The following CCDC136 variants were observed in gnomAD, a reference collection of about 807,000 sequenced individuals.
The protein encoded by CCDC136 is coiled-coil domain-containing protein 136.
Under a neutral mutation model 141.2 loss-of-function variants are expected in CCDC136, and 100 were observed. The ratio of observed to expected loss-of-function variants is 0.71; its 90% CI spans 0.60 to 0.84. CCDC136 has a LOEUF of 0.84. Ranked by LOEUF, CCDC136 falls within the 40% of genes least tolerant of loss-of-function variation. The pLI, the probability that CCDC136 is intolerant of heterozygous loss-of-function variation, is 0.00. For missense variants in CCDC136, 1,206 were observed against 1,379.4 expected (o/e 0.87, Z 1.99); for synonymous variants, 474 against 531.9 (o/e 0.89, Z 1.50).
intron 1 of CCDC136, among the ~76,000 whole-genome samples, chr7:128,792,980 G>GCT (rs1802415518): frequency 1.3e-5 from 2 of 152,194 alleles, no homozygotes; most frequent in Non-Finnish European, 2.9e-5. Context: ...GCCAACACCA[G>GCT]GCCCCTGGAA....
intron 17 of CCDC136, among the ~76,000 whole-genome samples, chr7:128,819,123 C>A (rs1475079804): frequency 6.6e-6 from 1 of 152,160 alleles, no homozygotes; most frequent in Non-Finnish European, 1.5e-5. Context: ...TCCCCTGTCA[C>A]CCCCCAGAAG....
chr7:128,815,737 C>G lies in CCDC136; in HGVS notation c.3169C>G (p.Gln1057Glu), dbSNP rs1038575055. 6.4e-7 allele frequency: 1 copy of G among 1,560,482 alleles called. No individual in the cohort carries two copies. The highest frequency in any genetic ancestry group is 8.7e-7 in the Non-Finnish European group (1 of 1,152,390). The stretch of plus-strand genomic sequence containing the variant: ...GCAAGTGAAAGAGGAAGCAAAGGAG[C>G]AGTGTGGGGATGAGCTAGTTGCTGA... ...KKQVKEEAKE[Q>E]CGDELVAEPA... The change falls in exon 16 of 18, where the codon CAG becomes GAG. Residue 1057 changes from glutamine (Q) to glutamate (E), a missense_variant. Coordinates refer to ENST00000297788, the MANE Select transcript of CCDC136 (RefSeq NM_022742.5).
rs564211780 is a variant in CCDC136 at position 128,806,827 on chromosome 7, C to T, written c.1388C>T (p.Thr463Met). ...GCAGAGCTGCAGCACCTCAGGGATA[C>T]GGTGGCCTCCTTCAAAGAGAGCAAT... is the stretch of plus-strand genomic sequence containing the variant. ...HEAELQHLRD[T>M]VASFKESNEK... Residue 463 changes from threonine (T) to methionine (M), a missense_variant, in exon 9 of 18, where the codon ACG becomes ATG. By Grantham distance (81) the Thr-to-Met change is moderately conservative. Transcript: ENST00000297788. 3.6e-5 allele frequency: 58 copies of T among 1,611,132 alleles called. No individual in the cohort carries two copies. The East Asian group carries it at 4.5e-4, about 12-fold the overall frequency.
chr7:128,794,605 GAGTGCCTGGGCCAGGGCCC>G lies in CCDC136; in HGVS notation c.271+10_271+28del, dbSNP rs770822246. ...GGATGACTCCTTGGAGCTACAGGGT[GAGTGCCTGGGCCAGGGCCC>G]AGTGCCCGGGCCCAGAGGCTCTGCA... On this transcript the variant is annotated splice_donor_5th_base_variant and intron_variant, in intron 2 of 17. Transcript: ENST00000297788. The surrounding 1 kb of genome is among the most constrained non-coding windows in gnomAD (Gnocchi z 4.3). The G allele has an allele frequency of 1.6e-5, 24 of 1,545,496 alleles. No individual in the cohort carries two copies. The South Asian group carries it at 2.4e-4, about 15-fold the overall frequency.
chr7:128,803,139 G>A (rs773870948), intron 4 of CCDC136, among the ~76,000 whole-genome samples: 10 of 152,200 alleles, frequency 6.6e-5, no homozygotes, highest in Non-Finnish European at 1.3e-4. Flanking sequence ...TTAAATATCA[G>A]TAGAATTAAT....
At chr7:128,809,736 A>C (rs774208416) in intron 11 of CCDC136, 92 bp downstream of exon 11, 8 of 993,056 alleles carry the variant, frequency 8.1e-6, no homozygotes, top group Non-Finnish European at 1.2e-5. Context: ...GTGGGGATTG[A>C]ACTTTTTCTC....
intron 16 of CCDC136, 89 bp downstream of exon 16, chr7:128,816,020 A>G (rs1806575743): frequency 7.4e-7 from 1 of 1,345,178 alleles, no homozygotes; most frequent in Non-Finnish European, 1.0e-6. Context: ...CCAAGGATGG[A>G]TATCTCCAGG....
chr7:128,795,711 G>C (rs945684162), intron 3 of CCDC136, among the ~76,000 whole-genome samples: 1 of 152,082 alleles, frequency 6.6e-6, no homozygotes, highest in Non-Finnish European at 1.5e-5. Context: ...ATACCACTTA[G>C]AAATTGTGTG....
intron 14 of CCDC136, among the ~76,000 whole-genome samples, chr7:128,814,323 T>C (rs1168332843): frequency 1.3e-5 from 2 of 152,112 alleles, no homozygotes; most frequent in East Asian, 3.9e-4. Context: ...TGACCTCAAG[T>C]GATCTGCCCA....
At chr7:128,796,739 A>ATATATATATATATATTTTTTTTTTT in intron 3 of CCDC136, among the ~76,000 whole-genome samples, 6 of 113,370 alleles carry the variant, frequency 5.3e-5, no homozygotes, top group Non-Finnish European at 6.7e-5. Flanking sequence ...ATATATATAT[A>ATATATATATATATATTTTTTTTTTT]TTCTTTTTTT....
intron 8 of CCDC136, 141 bp from the exon 9 acceptor site, chr7:128,806,547 C>T: frequency 9.5e-7 from 1 of 1,050,040 alleles, no homozygotes; most frequent in Middle Eastern, 3.2e-4. Flanking sequence ...TGCTCGAGTA[C>T]TACATTAGAT....
chr7:128,807,668 G>A (rs1170779208), intron 10 of CCDC136, 123 bp downstream of exon 10: 1 of 557,092 alleles, frequency 1.8e-6, no homozygotes, highest in Non-Finnish European at 2.9e-6. Context: ...GGAAGCAGAG[G>A]CAGGGCCACA....
intron 1 of CCDC136, among the ~76,000 whole-genome samples, chr7:128,793,402 A>G (rs780812263): frequency 6.6e-6 from 1 of 152,196 alleles, no homozygotes; most frequent in Non-Finnish European, 1.5e-5. Flanking sequence ...AGACCTTGTG[A>G]CATGCAGCAG....
In CCDC136 at chr7:128,805,332, G is replaced by A; in HGVS notation, c.783-27G>A. On this transcript the variant is annotated intron_variant, in intron 5 of 17. Coordinates refer to ENST00000297788, the MANE Select transcript of CCDC136 (RefSeq NM_022742.5). The surrounding 1 kb of genome is among the most constrained non-coding windows in gnomAD (Gnocchi z 4.6). Reference sequence around the variant, plus strand: ...TGATGCCAGGCAGAACTCCCTTCAAGCATAGCTCTGCGGTTCTGAATTGCA... The same window carrying A: ...TGATGCCAGGCAGAACTCCCTTCAAACATAGCTCTGCGGTTCTGAATTGCA... The A allele has an allele frequency of 6.2e-7, 1 of 1,609,728 alleles. No individual in the cohort carries two copies. Among genetic ancestry groups the A allele is most frequent in the Non-Finnish European group, 8.5e-7 (1 of 1,177,340 alleles).
At chr7:128,818,426 A>G (rs1806971720) in intron 17 of CCDC136, among the ~76,000 whole-genome samples, 1 of 152,228 alleles carries the variant, frequency 6.6e-6, no homozygotes, top group Non-Finnish European at 1.5e-5. Context: ...TGGTCCATCA[A>G]GCTTGGTGAA....
intron 17 of CCDC136, chr7:128,818,121 G>A (rs1806926140): frequency 2.4e-6 from 1 of 420,124 alleles, no homozygotes; most frequent in East Asian, 5.1e-5. Flanking sequence ...TCCTTGGCTG[G>A]GAAAAACTTG....
Position 128,822,096 on chromosome 7 carries a change from T to C in CCDC136, c.*303T>C. 1 of 1,181,328 alleles carries C rather than the reference T, an allele frequency of 8.5e-7. No individual in the cohort carries two copies. Among genetic ancestry groups the C allele is most frequent in the Non-Finnish European group, 1.1e-6 (1 of 936,892 alleles). 73.2% of individuals were successfully genotyped at this position (1,181,328 alleles called of 1,614,324 possible). ...CCATCTCCTGCCTTGTGTAAGAACC[T>C]GAGTTCCTTGTAATTAAATATCAAC... On this transcript the variant is annotated 3_prime_UTR_variant, in exon 18 of 18. Coordinates refer to ENST00000297788, the MANE Select transcript of CCDC136 (RefSeq NM_022742.5).
chr7:128,808,570 G>A (rs992212974), intron 10 of CCDC136: 5 of 985,368 alleles, frequency 5.1e-6, no homozygotes, highest in Middle Eastern at 5.2e-4. Flanking sequence ...TGGAGAAGAG[G>A]CCCAAGAGTC....
intron 10 of CCDC136, chr7:128,808,749 C>G (rs1320120258): frequency 4.1e-6 from 4 of 985,288 alleles, no homozygotes; most frequent in Non-Finnish European, 4.8e-6. Flanking sequence ...CACTGCTACT[C>G]AATTTAGGAG....
Sources: gnomAD v4.1 joint callset for allele counts (sites outside exome capture counted in the v4.1 genomes callset) on GRCh38, gnomAD v4.1.1 for gene constraint, Gnocchi (gnomAD v3.1) non-coding constraint, MANE v1.5 for transcripts, NCBI Gene and HGNC (gene_info 2026-07-23, HGNC 2026-07-21) for gene names.